Variants in MTCL1 observed in about 807,000 individuals in gnomAD.
MTCL1 encodes the protein microtubule cross-linking factor 1.
Under a neutral mutation model 141.4 loss-of-function variants are expected in MTCL1, and 79 were observed. That is an observed-to-expected ratio of 0.56 (90% CI 0.47 to 0.67). The LOEUF (loss-of-function observed/expected upper bound fraction) is 0.67. Among genes scored for constraint, MTCL1 ranks in the 30% least tolerant of loss-of-function variants. The pLI, the probability that MTCL1 is intolerant of heterozygous loss-of-function variation, is 0.00. For synonymous variants in MTCL1, 914 were observed against 875.8 expected (o/e 1.04, Z -0.77); for missense variants, 2,177 against 2,113.9 (o/e 1.03, Z -0.59).
At chr18:8,705,609 C>CCGCCGT (rs1387679120), upstream of MTCL1, 318 of 1,191,224 alleles carry the variant, frequency 2.7e-4, 1 homozygote, top group East Asian at 4.5e-3. The surrounding 1 kb of genome is among the most constrained non-coding windows in gnomAD (Gnocchi z 5.2). Flanking sequence ...GCCGCCGCCG[C>CCGCCGT]CGTCGTCGTC....
exon 17 of MTCL1, chr18:8,831,743 C>G: frequency 6.4e-7 from 1 of 1,550,480 alleles, no homozygotes; most frequent in East Asian, 2.4e-5. Context: ...CCCGGAGACC[C>G]GACGTCCTTG....
Position 8,828,796 on chromosome 18 carries a change from G to C in MTCL1, c.4723-112G>C. Reference sequence around the variant, plus strand: ...CTGGTGGCTACCCCTGAGCGAGAGGGATGGTCCTCTACCTCCGGGCTTGCT... The same window carrying C: ...CTGGTGGCTACCCCTGAGCGAGAGGCATGGTCCTCTACCTCCGGGCTTGCT... On this transcript the variant is annotated intron_variant, in intron 15 of 16. Transcript: ENST00000359865. This position sits in a 1 kb window ranked among gnomAD's most constrained non-coding sequence, Gnocchi z 5.2. 1.3e-6 allele frequency: 2 copies of C among 1,549,676 alleles called. No individual in the cohort carries two copies. Among genetic ancestry groups the C allele is most frequent in the South Asian group, 1.2e-5 (1 of 84,766 alleles).
rs1482739678 is a variant in MTCL1, at chr18:8,791,882, A to G, written c.1888-1116A>G. ...TCTAGCTTTCAAAGTTTTATGCTGA[A>G]CTTGGTGAATCCCCAGTGTCTGATT... is the stretch of plus-strand genomic sequence containing the variant. On this transcript the variant is annotated intron_variant, in intron 7 of 16. Coordinates refer to ENST00000359865, the Ensembl canonical transcript of MTCL1. Among the ~76,000 whole-genome samples, 29 of 132,502 alleles carry G rather than the reference A, an allele frequency of 2.2e-4. 1 individual carries two copies. The Admixed American group carries it at 2.2e-3, about 10-fold the overall frequency. 86.9% of individuals were successfully genotyped at this position (132,502 alleles called of 152,430 possible). A position where few individuals can be genotyped will look rare whatever the true frequency, so the allele number is the denominator to read the frequency against.
chr18:8,705,949 C>G lies in MTCL1; in HGVS notation c.289C>G (p.Leu97Val). The change falls in exon 1 of 14, where the codon CTC (leucine) becomes GTC (valine). Residue 97 changes from leucine to valine, a missense_variant. Physicochemically the swap from Leu to Val is conservative, Grantham distance 32. Coordinates refer to the MTCL1 transcript ENST00000306329. The surrounding 1 kb of genome is among the most constrained non-coding windows in gnomAD (Gnocchi z 5.2). ...GGGGTCCCTGGCCGCGCCCGGCCGC[C>G]TCTCTCGGCGCAGTGGCGGCGTCCC... 9.0e-7 allele frequency: 1 copy of G among 1,105,248 alleles called. No homozygotes were observed. The highest frequency in any genetic ancestry group is 1.1e-6 in the Non-Finnish European group (1 of 909,266). The allele number at this position is 1,105,248 out of a possible 1,614,324, so 68.5% of individuals were successfully genotyped here.
Position 8,779,451 on chromosome 18 carries a change from A to G in MTCL1, c.417+1559A>G, listed in dbSNP as rs1339251841. Among the ~76,000 whole-genome samples the G allele has an allele frequency of 6.6e-6, 1 of 152,172 alleles. No individual in the cohort carries two copies. Among genetic ancestry groups the G allele is most frequent in the African/African-American group, 2.4e-5 (1 of 41,446 alleles). ...CTCTTGGCAGAGTTTTAAGAAGTCT[A>G]CGGTTACAAGATAAGATGGGCATCC... On this transcript the variant is annotated intron_variant, in intron 5 of 16. Coordinates refer to ENST00000359865, the Ensembl canonical transcript of MTCL1. This position sits in a 1 kb window ranked among gnomAD's most constrained non-coding sequence, Gnocchi z 4.1.
chr18:8,714,693 C>G (rs113359663), upstream of MTCL1, among the ~76,000 whole-genome samples: 1 of 152,208 alleles, frequency 6.6e-6, no homozygotes, highest in African/African-American at 2.4e-5. Context: ...TTACCTCCCA[C>G]TGGGTCCCTC....
intron 2 of MTCL1, among the ~76,000 whole-genome samples, 169 bp from the exon 2 acceptor site, chr18:8,718,255 A>G (rs1400755476): frequency 6.6e-6 from 1 of 152,226 alleles, no homozygotes; most frequent in African/African-American, 2.4e-5. Flanking sequence ...ATTATCTCAT[A>G]TGCAAATTTC....
intron 4 of MTCL1, among the ~76,000 whole-genome samples, chr18:8,750,928 A>G (rs1456471990): frequency 6.6e-6 from 1 of 152,140 alleles, no homozygotes; most frequent in East Asian, 1.9e-4. Context: ...ATGCGTTGAT[A>G]AAGTTACTGG....
chr18:8,778,677 G>A (rs1291622080), intron 5 of MTCL1, among the ~76,000 whole-genome samples: 1 of 152,182 alleles, frequency 6.6e-6, no homozygotes, highest in Non-Finnish European at 1.5e-5. Flanking sequence ...GGCCCCTGCA[G>A]CAGCAGAAAG....
At chr18:8,724,440 T>G (rs2148827607) in intron 4 of MTCL1, among the ~76,000 whole-genome samples, 1 of 152,220 alleles carries the variant, frequency 6.6e-6, no homozygotes, top group South Asian at 2.1e-4. Flanking sequence ...AAAAACATTT[T>G]TCTTTCTCCA....
chr18:8,722,800 T>G (rs997965843), intron 4 of MTCL1, among the ~76,000 whole-genome samples: 5 of 152,236 alleles, frequency 3.3e-5, no homozygotes, highest in Non-Finnish European at 7.3e-5. Flanking sequence ...GAACTATATT[T>G]TATAAAATTT....
intron 10 of MTCL1, among the ~76,000 whole-genome samples, chr18:8,804,136 A>G (rs2076214388): frequency 6.6e-6 from 1 of 152,212 alleles, no homozygotes; most frequent in South Asian, 2.1e-4. Flanking sequence ...GAAACTCCCA[A>G]ACAAATCTAC....
At chr18:8,784,898 G>T in intron 6 of MTCL1, 55 bp downstream of exon 5, 2 of 1,440,094 alleles carry the variant, frequency 1.4e-6, no homozygotes, top group South Asian at 1.3e-5. Flanking sequence ...CCTCCTTCTC[G>T]CTGGCATTGC....
chr18:8,809,665 C>T (rs961403690), intron 11 of MTCL1: 25 of 1,493,212 alleles, frequency 1.7e-5, no homozygotes, highest in South Asian at 2.5e-5. Flanking sequence ...GCCTGGTGGC[C>T]GGTTCATGAG....
rs201865471 is a variant in MTCL1 at position 8,820,983 on chromosome 18, GCC to G, written c.3157-482_3157-481del. On this transcript the variant is annotated intron_variant, in intron 13 of 16. Coordinates refer to ENST00000359865, the Ensembl canonical transcript of MTCL1. ...TGGGAATGTTTAAAACCAACCAAGTGCCCGAGTCTAAGGATGTCACGCCAACT... is the reference window on the plus strand; with the variant it reads ...TGGGAATGTTTAAAACCAACCAAGTGCGAGTCTAAGGATGTCACGCCAACT... 8.3e-3 allele frequency among the ~76,000 whole-genome samples: 1,264 copies of G among 152,278 alleles called. 13 individuals are homozygous for G. Among genetic ancestry groups the G allele is most frequent in the African/African-American group, 0.029 (1,218 of 41,540 alleles).
intron 11 of MTCL1, among the ~76,000 whole-genome samples, chr18:8,807,294 G>A (rs1306156271): frequency 6.6e-6 from 1 of 152,168 alleles, no homozygotes; most frequent in Non-Finnish European, 1.5e-5. Flanking sequence ...AGAGCAGCAT[G>A]TATTCTCCCA....
At chr18:8,825,602 C>A (rs1598825494) in exon 15 of MTCL1, 1 of 1,613,774 alleles carries the variant, frequency 6.2e-7, no homozygotes, top group Non-Finnish European at 8.5e-7. Flanking sequence ...CTTCCCGGAG[C>A]CTTAGGAGCA....
At chr18:8,772,695 T>A (rs2096489802) in intron 4 of MTCL1, among the ~76,000 whole-genome samples, 1 of 151,726 alleles carries the variant, frequency 6.6e-6, no homozygotes, top group East Asian at 1.9e-4. Flanking sequence ...ATCTTAAATA[T>A]AAATATATTT....
At chr18:8,757,963 C>T (rs1451559996) in intron 4 of MTCL1, among the ~76,000 whole-genome samples, 1 of 151,454 alleles carries the variant, frequency 6.6e-6, no homozygotes, top group Non-Finnish European at 1.5e-5. Flanking sequence ...ATATCACAAG[C>T]TGCTCCTTTG....
Sources: allele counts gnomAD v4.1 joint callset (sites outside exome capture counted in the v4.1 genomes callset), GRCh38; gene constraint gnomAD v4.1.1; non-coding constraint Gnocchi (gnomAD v3.1); transcripts MANE v1.5; gene names NCBI Gene and HGNC (gene_info 2026-07-23, HGNC 2026-07-21).